The following DOK7 variants were observed in gnomAD, a reference collection of about 807,000 sequenced individuals.
The protein encoded by DOK7 is docking protein 7.
Under a neutral mutation model 30.7 loss-of-function variants are expected in DOK7, and 32 were observed. The observed-to-expected ratio is 1.04, with a 90% CI of 0.79 to 1.40. The LOEUF (loss-of-function observed/expected upper bound fraction) is 1.40, where lower values mean the gene tolerates loss of function less well. Among genes scored for constraint, DOK7 ranks in the 40% most tolerant of loss-of-function variants. The pLI is 0.00. For missense variants in DOK7, 1,007 were observed against 699.2 expected, an observed-to-expected ratio of 1.44 and a Z score of -4.97; for synonymous variants, 447 against 324.1, an observed-to-expected ratio of 1.38 and a Z score of -4.07.
At chr4:3,484,409 A>T in intron 4 of DOK7, 1 of 815,956 alleles carries the variant, frequency 1.2e-6, no homozygotes. Context: ...CTTCCCCCCA[A>T]CTCCTGCCCA....
At chr4:3,471,981 G>T (rs1726791175) in intron 2 of DOK7, among the ~76,000 whole-genome samples, 1 of 152,250 alleles carries the variant, frequency 6.6e-6, no homozygotes, top group South Asian at 2.1e-4. Context: ...TGCGCCCAAG[G>T]GTCTACACAG....
chr4:3,500,956 G>A (rs1045763796), exon 8 of DOK7: 88 of 1,351,592 alleles, frequency 6.5e-5, no homozygotes, highest in African/African-American at 1.8e-4. Context: ...AGGCATGGCC[G>A]GTCTCCGGGC....
At chr4:3,471,933 C>T (rs879251834) in intron 2 of DOK7, among the ~76,000 whole-genome samples, 23 of 152,282 alleles carry the variant, frequency 1.5e-4, no homozygotes, top group Non-Finnish European at 2.5e-4. Context: ...GCCCACACCA[C>T]GCCTTGCTTT....
At chr4:3,482,398 A>T (rs1484436648) in intron 4 of DOK7, among the ~76,000 whole-genome samples, 1 of 152,210 alleles carries the variant, frequency 6.6e-6, no homozygotes, top group Non-Finnish European at 1.5e-5. Context: ...GGGTTGCCTC[A>T]GTTTCCCTCC....
At chr4:3,495,795 C>T (rs879304064), downstream of DOK7, among the ~76,000 whole-genome samples, 1 of 152,154 alleles carries the variant, frequency 6.6e-6, no homozygotes, top group Non-Finnish European at 1.5e-5. Flanking sequence ...CGCCTGCCCC[C>T]ACCGGGAGCA....
In DOK7 at chr4:3,492,433, G is replaced by T. The variant is rs73793943; in HGVS notation, c.773-326G>T. ...GGGATGGCTGGGTATGGAGCGTGGG[G>T]TGTTAGGCAGGGAGGGTGGGGAGCT... On this transcript the variant is annotated intron_variant, in intron 6 of 6. Coordinates refer to ENST00000340083, the MANE Select transcript of DOK7 (RefSeq NM_173660.5). Among the ~76,000 whole-genome samples the T allele has an allele frequency of 0.013, 1,875 of 149,464 alleles. 34 individuals are homozygous for T. The highest frequency in any genetic ancestry group is 0.042 in the African/African-American group (1,733 of 40,942).
intron 3 of DOK7, among the ~76,000 whole-genome samples, chr4:3,474,435 T>A (rs1726945017): frequency 2.6e-5 from 4 of 152,080 alleles, no homozygotes; most frequent in Admixed American, 2.6e-4. Context: ...ATTCCAGTAC[T>A]TCGGGAGGCT....
At chr4:3,473,983 A>C (rs1185454761) in intron 3 of DOK7, among the ~76,000 whole-genome samples, 1 of 148,392 alleles carries the variant, frequency 6.7e-6, no homozygotes, top group Non-Finnish European at 1.5e-5. Context: ...GCTAGGAAGG[A>C]GAGCCCCAGG....
rs1485585052 is a variant in DOK7, at chr4:3,476,486, G to A, written c.476G>A (p.Arg159His). Residue 159 changes from arginine (R) to histidine (H), a missense_variant, in exon 4 of 7, where the codon CGC becomes CAC. Coordinates refer to ENST00000340083, the MANE Select transcript of DOK7 (RefSeq NM_173660.5). ...TGQWKLSDLR[R>H]YGAVPSGFIF... ...CAGTGGAAGCTGTCTGACCTCCGGC[G>A]CTACGGGGCCGTGCCAAGCGGATTC... is the stretch of plus-strand genomic sequence containing the variant. 15 of 1,613,774 alleles carry A rather than the reference G, an allele frequency of 9.3e-6. No homozygotes were observed. Among genetic ancestry groups the A allele is most frequent in the Non-Finnish European group, 1.2e-5 (14 of 1,180,030 alleles).
At chr4:3,472,991 G>A (rs575665359) in intron 2 of DOK7, among the ~76,000 whole-genome samples, 136 of 152,326 alleles carry the variant, frequency 8.9e-4, no homozygotes, top group African/African-American at 3.0e-3. Context: ...GGATAGGAGC[G>A]GACTGGCAGA....
At chr4:3,465,100 C>A (rs1577136686) in intron 2 of DOK7, among the ~76,000 whole-genome samples, 1 of 152,284 alleles carries the variant, frequency 6.6e-6, no homozygotes, top group East Asian at 1.9e-4. Flanking sequence ...GACTCACTGG[C>A]CTGGGACCCA....
downstream of DOK7, among the ~76,000 whole-genome samples, chr4:3,496,412 G>A (rs188111869): frequency 9.8e-5 from 15 of 152,378 alleles, no homozygotes; most frequent in Admixed American, 6.5e-4. Flanking sequence ...AGGCACCCTC[G>A]GAGCAGCCGC....
chr4:3,481,160 T>C (rs542469237), intron 4 of DOK7, among the ~76,000 whole-genome samples: 65 of 151,290 alleles, frequency 4.3e-4, no homozygotes, highest in African/African-American at 1.5e-3. Flanking sequence ...AGCTGGCTAA[T>C]TGGACCAGTG....
At chr4:3,491,685 G>C (rs1280719028) in intron 6 of DOK7, among the ~76,000 whole-genome samples, 2 of 152,240 alleles carry the variant, frequency 1.3e-5, no homozygotes, top group African/African-American at 4.8e-5. Context: ...GGGAGACCAA[G>C]GCCCTGCATG....
intron 3 of DOK7, among the ~76,000 whole-genome samples, chr4:3,474,801 A>C (rs1453754898): frequency 6.6e-6 from 1 of 151,612 alleles, no homozygotes; most frequent in African/African-American, 2.4e-5. Context: ...CAGCCTGGGC[A>C]ACAGAGTAGG....
chr4:3,500,606 C>G (rs1248082822), intron 7 of DOK7: 4 of 1,529,850 alleles, frequency 2.6e-6, no homozygotes, highest in Non-Finnish European at 3.5e-6. Flanking sequence ...TTCCGAGGGC[C>G]TGGCTGGGGG....
intron 4 of DOK7, among the ~76,000 whole-genome samples, chr4:3,483,543 G>T (rs1193994600): frequency 6.6e-6 from 1 of 152,230 alleles, no homozygotes; most frequent in Non-Finnish European, 1.5e-5. Context: ...GCCCGAGGCT[G>T]GCGGTGGGCT....
Position 3,493,206 on chromosome 4 carries a change from C to G in DOK7, c.1220C>G (p.Thr407Arg), listed in dbSNP as rs1298395809. The change falls in exon 7 of 7, where the codon ACA becomes AGA. Residue 407 changes from threonine to arginine, a missense_variant. Transcript: ENST00000340083. Reference sequence around the variant, plus strand: ...ACCTCCCTGCGGGCCCACTATGACACACCACGCAGCCTTTGCCTGGCTCCT... The same window carrying G: ...ACCTCCCTGCGGGCCCACTATGACAGACCACGCAGCCTTTGCCTGGCTCCT... The part of the protein sequence containing the change: ...VPTSLRAHYD[T>R]PRSLCLAPRD... 1.2e-6 allele frequency: 2 copies of G among 1,611,754 alleles called. No homozygotes were observed. The highest frequency in any genetic ancestry group is 1.7e-6 in the Non-Finnish European group (2 of 1,179,600).
chr4:3,484,122 A>G (rs1366544353), intron 4 of DOK7, among the ~76,000 whole-genome samples: 1 of 152,224 alleles, frequency 6.6e-6, no homozygotes, highest in Non-Finnish European at 1.5e-5. Flanking sequence ...GATGGTGGAC[A>G]GGTGGCGTGC....
Sources: allele counts gnomAD v4.1 joint callset (sites outside exome capture counted in the v4.1 genomes callset), GRCh38; gene constraint gnomAD v4.1.1; transcripts MANE v1.5; gene names NCBI Gene and HGNC (gene_info 2026-07-23, HGNC 2026-07-21).